The following SNX22 variants were observed in gnomAD, a reference collection of about 807,000 sequenced individuals.
SNX22 encodes the protein sorting nexin-22.
Under a neutral mutation model 24.7 loss-of-function variants are expected in SNX22, and 23 were observed. That is an observed-to-expected ratio of 0.93 (90% CI 0.67 to 1.32). The LOEUF (loss-of-function observed/expected upper bound fraction) is 1.32. SNX22 is among the 40% of genes most tolerant of loss of function. The probability of loss-of-function intolerance (pLI) is 0.00; values close to 1 mark genes in which losing one functional copy is unlikely to be tolerated. For missense variants in SNX22, 261 were observed against 249.9 expected (o/e 1.04, Z -0.30); for synonymous variants, 99 against 104.0 (o/e 0.95, Z 0.29).
rs2081541437 is a variant in SNX22, at chr15:64,157,380, ATG to A, written c.*2877_*2878del. The A allele has an allele frequency of 5.5e-6, 1 of 181,456 alleles. No homozygotes were observed. Among genetic ancestry groups the A allele is most frequent in the African/African-American group, 2.4e-5 (1 of 42,320 alleles). 11.2% of individuals were successfully genotyped at this position (181,456 alleles called of 1,614,324 possible). On this transcript the variant is annotated 3_prime_UTR_variant, in exon 7 of 7. Transcript: ENST00000325881. This position sits in a 1 kb window ranked among gnomAD's most constrained non-coding sequence, Gnocchi z 4.2. Reference sequence around the variant, plus strand: ...GCTGCAGAGGAGAAAGCAGCCAGAGATGTGTGGGGAGGGGCAGAAAAGAGGGG... The same window carrying A: ...GCTGCAGAGGAGAAAGCAGCCAGAGATGTGGGGAGGGGCAGAAAAGAGGGG...
intron 2 of SNX22, 97 bp from the exon 3 acceptor site, chr15:64,152,541 C>A: frequency 1.5e-6 from 2 of 1,333,896 alleles, no homozygotes; most frequent in South Asian, 1.3e-5. Context: ...CCCAGTAGAG[C>A]CCGAAGGCGG....
Position 64,156,038 on chromosome 15 carries a change from G to A in SNX22, c.*1530G>A. 6.2e-7 allele frequency: 1 copy of A among 1,614,178 alleles called. No individual in the cohort carries two copies. Among genetic ancestry groups the A allele is most frequent in the Non-Finnish European group, 8.5e-7 (1 of 1,180,038 alleles). On this transcript the variant is annotated 3_prime_UTR_variant, in exon 7 of 7. Coordinates refer to ENST00000325881, the MANE Select transcript of SNX22 (RefSeq NM_024798.3). This position sits in a 1 kb window ranked among gnomAD's most constrained non-coding sequence, Gnocchi z 6.4. The stretch of plus-strand genomic sequence containing the variant: ...TCCCTGTGCCCTACTCCTTGGCGAT[G>A]GCAAAGGGCTTCTCCACCTCGATCT...
chr15:64,153,789 C>T lies in SNX22; in HGVS notation c.392+105C>T, dbSNP rs555653828. 313 of 1,599,098 alleles carry T rather than the reference C, an allele frequency of 2.0e-4. 2 individuals carry two copies. In the South Asian group the frequency reaches 3.3e-3, roughly 17 times the overall value. On this transcript the variant is annotated intron_variant, in intron 5 of 6. Coordinates refer to ENST00000325881, the MANE Select transcript of SNX22 (RefSeq NM_024798.3). ...GCCTGTCTGGCCTGGGCCCTGAAGT[C>T]TGTTTTCCCTTTGGTGCCTCCTGAG...
rs892293617 is a variant in SNX22, at chr15:64,155,379, TAAAG to T, written c.*872_*875del. The stretch of plus-strand genomic sequence containing the variant: ...ACTCCGTCTCAAAATAAATAAATAA[TAAAG>T]GAAGAAGTCAGCTGGGTGCAGAGGC... On this transcript the variant is annotated 3_prime_UTR_variant, in exon 7 of 7. Coordinates refer to ENST00000325881, the MANE Select transcript of SNX22 (RefSeq NM_024798.3). 1.3e-5 allele frequency: 2 copies of T among 152,150 alleles called. No individual in the cohort carries two copies. Among genetic ancestry groups the T allele is most frequent in the African/African-American group, 2.4e-5 (1 of 41,202 alleles). The allele number at this position is 152,150 out of a possible 1,614,324, so 9.4% of individuals were successfully genotyped here. A position where few individuals can be genotyped will look rare whatever the true frequency, so the allele number is the denominator to read the frequency against.
Position 64,155,862 on chromosome 15 carries a change from G to T in SNX22, c.*1354G>T. 1 of 1,044,432 alleles carries T rather than the reference G, an allele frequency of 9.6e-7. No individual in the cohort carries two copies. The highest frequency in any genetic ancestry group is 1.5e-6 in the Non-Finnish European group (1 of 686,844). 64.7% of individuals were successfully genotyped at this position (1,044,432 alleles called of 1,614,324 possible). A position where few individuals can be genotyped will look rare whatever the true frequency, so the allele number is the denominator to read the frequency against. On this transcript the variant is annotated 3_prime_UTR_variant, in exon 7 of 7. Transcript: ENST00000325881. ...ACATTTTTTTTTATTGGTCAGTGTT[G>T]GTAGGAGTTTGTTACAAAAGTGAGT...
intron 3 of SNX22, 158 bp from the exon 4 acceptor site, chr15:64,153,087 G>C: frequency 1.2e-6 from 1 of 846,444 alleles, no homozygotes; most frequent in Non-Finnish European, 1.8e-6. Context: ...TGTGCACACA[G>C]CGCCCAGCGC....
intron 6 of SNX22, 51 bp from the exon 7 acceptor site, chr15:64,154,335 AG>A: frequency 6.2e-7 from 1 of 1,607,412 alleles, no homozygotes; most frequent in Non-Finnish European, 8.5e-7. Flanking sequence ...CATGAGCAGG[AG>A]CTCAAGGAGC....
Position 64,155,899 on chromosome 15 carries a change from T to C in SNX22, c.*1391T>C. 6.9e-7 allele frequency: 1 copy of C among 1,443,110 alleles called. No homozygotes were observed. Among genetic ancestry groups the C allele is most frequent in the Non-Finnish European group, 9.7e-7 (1 of 1,035,298 alleles). The allele number at this position is 1,443,110 out of a possible 1,614,324, so 89.4% of individuals were successfully genotyped here. ...TTACAAAAGTGAGTCCATGGGCCTG[T>C]GGAATGTGAGGGGAGTGGGTCCGCT... On this transcript the variant is annotated 3_prime_UTR_variant, in exon 7 of 7. Coordinates refer to ENST00000325881, the MANE Select transcript of SNX22 (RefSeq NM_024798.3).
chr15:64,154,465 C>CA lies in SNX22; in HGVS notation c.542dup (p.Ala182GlyfsTer32). On this transcript the variant is annotated frameshift_variant, in exon 7 of 7. Coordinates refer to ENST00000325881, the MANE Select transcript of SNX22 (RefSeq NM_024798.3). LOFTEE classifies it low-confidence loss of function (END_TRUNC). ...AGCATCAGCCCAGATAAAGCCCAGC[C>CA]AAAGGCGGCCTGTCACCCTGCTCCT... The CA allele has an allele frequency of 6.2e-7, 1 of 1,614,186 alleles. No homozygotes were observed. Among genetic ancestry groups the CA allele is most frequent in the Non-Finnish European group, 8.5e-7 (1 of 1,180,032 alleles).
rs1193591711 is a variant in SNX22, at chr15:64,156,768, A to C, written c.*2260A>C. On this transcript the variant is annotated 3_prime_UTR_variant, in exon 7 of 7. Coordinates refer to ENST00000325881, the MANE Select transcript of SNX22 (RefSeq NM_024798.3). This position sits in a 1 kb window ranked among gnomAD's most constrained non-coding sequence, Gnocchi z 6.4. ...GCCAAACACCACATGCTTGCCATCT[A>C]GCCAGGCTGTCTTGACTGTCGTGAT... 6.2e-7 allele frequency: 1 copy of C among 1,614,222 alleles called. No homozygotes were observed. The highest frequency in any genetic ancestry group is 8.5e-7 in the Non-Finnish European group (1 of 1,180,046).
At chr15:64,153,908 A>G (rs1387077732) in intron 5 of SNX22, 27 bp from the exon 6 acceptor site, 14 of 1,604,110 alleles carry the variant, frequency 8.7e-6, no homozygotes, top group Non-Finnish European at 1.2e-5. Context: ...TCCCGCACCC[A>G]TGGTTCATGA....
At chr15:64,152,460 G>T (rs2081493810) in intron 2 of SNX22, 134 bp downstream of exon 2, 4 of 1,243,082 alleles carry the variant, frequency 3.2e-6, no homozygotes, top group Non-Finnish European at 4.5e-6. Context: ...CAGCCGGTCA[G>T]CCCCCGGGCC....
At position 64,152,765 on chromosome 15, in the gene SNX22, GC is replaced by G. The variant is rs752125582; in HGVS notation, c.264+29del. On this transcript the variant is annotated intron_variant, in intron 3 of 6. Coordinates refer to ENST00000325881, the MANE Select transcript of SNX22 (RefSeq NM_024798.3). ...CAGGTATGCGAGAGCACAGTTGGTT[GC>G]CCCCCGGCCTTCTGTGCCAGGGGTG... is the stretch of plus-strand genomic sequence containing the variant. 6 of 1,607,936 alleles carry G rather than the reference GC, an allele frequency of 3.7e-6. No homozygotes were observed. In the East Asian group the frequency reaches 8.9e-5, roughly 24 times the overall value.
Position 64,152,311 on chromosome 15 carries a change from C to T in SNX22, c.144C>T (p.His48=). The stretch of plus-strand genomic sequence containing the variant: ...TGCCAAGGCGCTACAGCGAGTTCCA[C>T]GCGCTGCACAAGCGGGTGAGGCGGC... ...HTVPRRYSEF[H]ALHKRIKKLY... Residue 48 remains histidine, a synonymous_variant, in exon 2 of 7, where the codon CAC becomes CAT. Transcript: ENST00000325881. 6.6e-7 allele frequency: 1 copy of T among 1,513,892 alleles called. No homozygotes were observed. Among genetic ancestry groups the T allele is most frequent in the South Asian group, 1.2e-5 (1 of 81,478 alleles). The allele number at this position is 1,513,892 out of a possible 1,614,324, so 93.8% of individuals were successfully genotyped here. A position where few individuals can be genotyped will look rare whatever the true frequency, so the allele number is the denominator to read the frequency against.
intron 3 of SNX22, 100 bp downstream of exon 3, chr15:64,152,842 T>A (rs1185104536): frequency 4.0e-6 from 4 of 1,011,294 alleles, no homozygotes; most frequent in African/African-American, 3.2e-5. Context: ...ACCCACAACT[T>A]GGGGATGTTA....
rs771171162 is a variant in SNX22 at position 64,154,381 on chromosome 15, CCA to C, written c.461-3_461-2del. ...GAGGCCAGACCTGTTTAATTCTATC[CCA>C]CAGAGTCGCTGCCCAACGTGGTGGT... On this transcript the variant is annotated splice_region_variant and splice_polypyrimidine_tract_variant and intron_variant, in intron 6 of 6. Coordinates refer to ENST00000325881, the MANE Select transcript of SNX22 (RefSeq NM_024798.3). 2.2e-5 allele frequency: 36 copies of C among 1,613,986 alleles called. No individual in the cohort carries two copies. In the Admixed American group the frequency reaches 4.0e-4, roughly 18 times the overall value.
chr15:64,156,196 C>A lies in SNX22; in HGVS notation c.*1688C>A, dbSNP rs369181494. On this transcript the variant is annotated 3_prime_UTR_variant, in exon 7 of 7. Transcript: ENST00000325881. The surrounding 1 kb of genome is among the most constrained non-coding windows in gnomAD (Gnocchi z 6.4). ...GGGCATGGTGGATCAGGAGGTCCAC[C>A]GCTCAGGAGAAAGGCCCCAGCGTAT... 1.2e-6 allele frequency: 2 copies of A among 1,610,340 alleles called. No homozygotes were observed. The highest frequency in any genetic ancestry group is 2.2e-5 in the South Asian group (2 of 90,768).
Position 64,155,924 on chromosome 15 carries a change from T to A in SNX22, c.*1416T>A. ...TGGAATGTGAGGGGAGTGGGTCCGC[T>A]CCACCAGATGCCAGCACCGGGGCCA... On this transcript the variant is annotated 3_prime_UTR_variant, in exon 7 of 7. Transcript: ENST00000325881. The A allele has an allele frequency of 6.3e-7, 1 of 1,585,788 alleles. No homozygotes were observed. The highest frequency in any genetic ancestry group is 1.9e-4 in the Middle Eastern group (1 of 5,382).
rs755792823 is a variant in SNX22 at position 64,156,782 on chromosome 15, G to C, written c.*2274G>C. ...GCTTGCCATCTAGCCAGGCTGTCTT[G>C]ACTGTCGTGATGAAGAACTGGGAGC... is the stretch of plus-strand genomic sequence containing the variant. On this transcript the variant is annotated 3_prime_UTR_variant, in exon 7 of 7. Coordinates refer to ENST00000325881, the MANE Select transcript of SNX22 (RefSeq NM_024798.3). The surrounding 1 kb of genome is among the most constrained non-coding windows in gnomAD (Gnocchi z 6.4). The C allele has an allele frequency of 9.3e-6, 15 of 1,614,210 alleles. No homozygotes were observed. In the South Asian group the frequency reaches 1.5e-4, roughly 17 times the overall value.
Sources: gnomAD v4.1 joint callset for allele counts on GRCh38, gnomAD v4.1.1 for gene constraint, Gnocchi (gnomAD v3.1) non-coding constraint, MANE v1.5 for transcripts, NCBI Gene and HGNC (gene_info 2026-07-23, HGNC 2026-07-21) for gene names.